The following NRXN1 variants were observed in gnomAD, a reference collection of about 807,000 sequenced individuals.
The protein encoded by NRXN1 is neurexin-1.
NRXN1 carries 39 observed loss-of-function variants against 150.9 expected under a neutral mutation model. That is an observed-to-expected ratio of 0.26 (90% CI 0.20 to 0.34). The LOEUF (loss-of-function observed/expected upper bound fraction) is 0.34. Ranked by LOEUF, NRXN1 falls within the 10% of genes least tolerant of loss-of-function variation. The pLI is 1.00. For missense variants in NRXN1, 1,815 were observed against 1,949.9 expected, an observed-to-expected ratio of 0.93 and a Z score of 1.30; for synonymous variants, 924 against 757.0, an observed-to-expected ratio of 1.22 and a Z score of -3.62.
At chr2:50,147,488 T>C (rs1407806303) in intron 18 of NRXN1, among the ~76,000 whole-genome samples, 1 of 151,710 alleles carries the variant, frequency 6.6e-6, no homozygotes, top group African/African-American at 2.4e-5. Flanking sequence ...CTTGCATCCC[T>C]AGAGTTAAAG....
chr2:50,588,951 T>A (rs1215979209), intron 8 of NRXN1: 1 of 152,182 alleles, frequency 6.6e-6, no homozygotes, highest in Non-Finnish European at 1.5e-5. Context: ...CCAATTGATT[T>A]CATAGCTCAG....
chr2:50,189,186 C>T (rs979284695), intron 18 of NRXN1, among the ~76,000 whole-genome samples: 3 of 152,050 alleles, frequency 2.0e-5, no homozygotes, highest in East Asian at 3.9e-4. Flanking sequence ...ACTATGAAGT[C>T]ATAAAAAGAA....
chr2:50,439,752 G>T (rs148490168), intron 17 of NRXN1, among the ~76,000 whole-genome samples: 3 of 151,654 alleles, frequency 2.0e-5, no homozygotes, highest in African/African-American at 4.9e-5. Context: ...GGGAGGCAGA[G>T]CTTGCAGTGA....
intron 8 of NRXN1, among the ~76,000 whole-genome samples, chr2:50,597,591 T>TATCCA (rs1314820751): frequency 6.6e-6 from 1 of 152,176 alleles, no homozygotes; most frequent in Non-Finnish European, 1.5e-5. Flanking sequence ...GAGCATGGCA[T>TATCCA]ATCCAAATGT....
intron 21 of NRXN1, among the ~76,000 whole-genome samples, chr2:50,027,572 G>C (rs1688553260): frequency 6.6e-6 from 1 of 152,110 alleles, no homozygotes; most frequent in African/African-American, 2.4e-5. Flanking sequence ...CTCCTGAGTA[G>C]CTGGGACTAC....
At chr2:50,996,418 G>A (rs375030796) in intron 2 of NRXN1, among the ~76,000 whole-genome samples, 1 of 151,962 alleles carries the variant, frequency 6.6e-6, no homozygotes, top group Non-Finnish European at 1.5e-5. Flanking sequence ...TAAGCACAAG[G>A]CCAGTTTAAA....
At chr2:50,486,084 G>A (rs80055048) in intron 15 of NRXN1, among the ~76,000 whole-genome samples, 3,004 of 152,148 alleles carry the variant, frequency 0.02, 107 homozygotes, top group African/African-American at 0.069. Context: ...AAATCAGTAC[G>A]TGGTACAAAA....
At chr2:50,290,214 A>G (rs2072739699) in intron 17 of NRXN1, among the ~76,000 whole-genome samples, 1 of 152,194 alleles carries the variant, frequency 6.6e-6, no homozygotes, top group East Asian at 1.9e-4. Context: ...AATGAGTAGT[A>G]TTTCTTTCCC....
At chr2:50,091,249 G>T in intron 19 of NRXN1, 74 bp downstream of exon 19, 3 of 1,536,766 alleles carry the variant, frequency 2.0e-6, no homozygotes, top group Non-Finnish European at 2.7e-6. Context: ...TTGGTGAAAC[G>T]GATGCAAAAC....
chr2:50,947,549 C>T (rs1007184670), intron 2 of NRXN1, among the ~76,000 whole-genome samples: 8 of 151,822 alleles, frequency 5.3e-5, no homozygotes, highest in Non-Finnish European at 7.4e-5. Flanking sequence ...AGATAATATA[C>T]CCATTCATGA....
chr2:50,157,678 G>A (rs561122004), intron 18 of NRXN1, among the ~76,000 whole-genome samples: 1 of 152,136 alleles, frequency 6.6e-6, no homozygotes, highest in African/African-American at 2.4e-5. Flanking sequence ...ATGTTGTCCA[G>A]CAGCAGAAAT....
At chr2:50,665,028 T>C (rs1442348963) in intron 5 of NRXN1, among the ~76,000 whole-genome samples, 1 of 152,014 alleles carries the variant, frequency 6.6e-6, no homozygotes, top group Non-Finnish European at 1.5e-5. Flanking sequence ...AAAAGCATAA[T>C]TAACTTGTTC....
At chr2:50,757,397 T>G (rs1332779554) in intron 5 of NRXN1, among the ~76,000 whole-genome samples, 3 of 151,800 alleles carry the variant, frequency 2.0e-5, no homozygotes, top group African/African-American at 7.3e-5. Flanking sequence ...AGCACTGGCA[T>G]GAGTGAATAA....
intron 5 of NRXN1, among the ~76,000 whole-genome samples, chr2:50,703,413 C>A (rs953900953): frequency 2.0e-5 from 3 of 152,118 alleles, no homozygotes; most frequent in Non-Finnish European, 4.4e-5. Context: ...GGGAAGGGAG[C>A]AACCTTAGCT....
At chr2:50,456,442 G>T (rs559074764) in intron 17 of NRXN1, among the ~76,000 whole-genome samples, 2 of 152,088 alleles carry the variant, frequency 1.3e-5, no homozygotes, top group African/African-American at 4.8e-5. Context: ...GTTAAAACAC[G>T]TATAGCATCA....
chr2:50,867,056 G>GT lies in NRXN1; in HGVS notation c.832+54812dup, dbSNP rs535808555. ...TTCAGTGCTAAAAGTTACTTATATA[G>GT]TTTTCTAAGGAAGTTCACCATGAGC... On this transcript the variant is annotated intron_variant, in intron 5 of 22. Transcript: ENST00000401669. Among the ~76,000 whole-genome samples, 248 of 151,934 alleles carry GT rather than the reference G, an allele frequency of 1.6e-3. 4 individuals carry two copies. Among genetic ancestry groups the GT allele is most frequent in the African/African-American group, 5.8e-3 (241 of 41,496 alleles).
Position 50,347,779 on chromosome 2 carries a change from G to C in NRXN1, c.3365-110809C>G. The C allele has an allele frequency of 1.0e-6, 1 of 986,836 alleles. No homozygotes were observed. Among genetic ancestry groups the C allele is most frequent in the Non-Finnish European group, 1.2e-6 (1 of 830,998 alleles). The allele number at this position is 986,836 out of a possible 1,614,324, so 61.1% of individuals were successfully genotyped here. A position where few individuals can be genotyped will look rare whatever the true frequency, so the allele number is the denominator to read the frequency against. The stretch of plus-strand genomic sequence containing the variant: ...AAGAAAAGAAAAACCACACACGCTG[G>C]TGAAGCAAGGGGCTCTATGCAAATC... On this transcript the variant is annotated intron_variant, in intron 17 of 22. Coordinates refer to ENST00000401669, the MANE Select transcript of NRXN1 (RefSeq NM_001330078.2). The surrounding 1 kb of genome is among the most constrained non-coding windows in gnomAD (Gnocchi z 4.9).
intron 17 of NRXN1, among the ~76,000 whole-genome samples, chr2:50,284,259 C>G (rs919927776): frequency 7.9e-5 from 12 of 152,090 alleles, no homozygotes; most frequent in Admixed American, 7.2e-4. Flanking sequence ...TGTCTTAATC[C>G]AAGGCCGATA....
At chr2:50,985,677 A>C (rs1697581652) in intron 2 of NRXN1, among the ~76,000 whole-genome samples, 1 of 151,788 alleles carries the variant, frequency 6.6e-6, no homozygotes, top group African/African-American at 2.4e-5. Context: ...AACATAAACA[A>C]ATCAAAAATG....
Sources: allele counts gnomAD v4.1 joint callset (sites outside exome capture counted in the v4.1 genomes callset), GRCh38; gene constraint gnomAD v4.1.1; non-coding constraint Gnocchi (gnomAD v3.1); transcripts MANE v1.5; gene names NCBI Gene and HGNC (gene_info 2026-07-23, HGNC 2026-07-21).